ADGRA3: variants seen among roughly 807,000 people sequenced by gnomAD.
ADGRA3 encodes the protein adhesion G protein-coupled receptor A3, also known as G-protein coupled receptor 125.
In ADGRA3, 56 loss-of-function variants were observed where a neutral mutation model predicts 119.8. The observed-to-expected ratio is 0.47, with a 90% CI of 0.38 to 0.58. The LOEUF is 0.58. Ranked by LOEUF, ADGRA3 falls within the 20% of genes least tolerant of loss-of-function variation. ADGRA3 has a pLI of 0.00. For missense variants in ADGRA3, 1,516 were observed against 1,649.0 expected (o/e 0.92, Z 1.40); for synonymous variants, 607 against 623.8 (o/e 0.97, Z 0.40).
chr4:22,422,453 CT>C (rs1168283406), intron 11 of ADGRA3, among the ~76,000 whole-genome samples: 1 of 152,088 alleles, frequency 6.6e-6, no homozygotes, highest in Non-Finnish European at 1.5e-5. Flanking sequence ...AGTGAAAAGT[CT>C]TTTTAATTCA....
chr4:22,471,768 C>A (rs1035523039), intron 2 of ADGRA3, among the ~76,000 whole-genome samples: 6 of 152,168 alleles, frequency 3.9e-5, no homozygotes, highest in African/African-American at 1.2e-4. Flanking sequence ...GTATATTTAT[C>A]TCTGTGGTCC....
At position 22,461,721 on chromosome 4, in the gene ADGRA3, C is replaced by A; in HGVS notation, c.401+16G>T. On this transcript the variant is annotated intron_variant, in intron 3 of 18. Coordinates refer to ENST00000334304, the MANE Select transcript of ADGRA3 (RefSeq NM_145290.4). Reference sequence around the variant, plus strand: ...GCAACAATTCAAACTCGTAAGCAAGCAATTCAAACACTTACAATCTTTTTA... The same window carrying A: ...GCAACAATTCAAACTCGTAAGCAAGAAATTCAAACACTTACAATCTTTTTA... The A allele has an allele frequency of 6.5e-7, 1 of 1,548,340 alleles. No homozygotes were observed. Among genetic ancestry groups the A allele is most frequent in the Non-Finnish European group, 8.9e-7 (1 of 1,127,916 alleles).
intron 3 of ADGRA3, among the ~76,000 whole-genome samples, chr4:22,459,216 A>G (rs1717355319): frequency 6.6e-6 from 1 of 152,180 alleles, no homozygotes; most frequent in Admixed American, 6.5e-5. Context: ...AATAAAAAGG[A>G]ATAGGTTTTG....
intron 1 of ADGRA3, among the ~76,000 whole-genome samples, chr4:22,510,352 A>C (rs1209329381): frequency 6.6e-6 from 1 of 152,120 alleles, no homozygotes; most frequent in Non-Finnish European, 1.5e-5. Context: ...TTTCTAGCTT[A>C]ATCTCTCAAC....
intron 1 of ADGRA3, among the ~76,000 whole-genome samples, chr4:22,492,153 A>T (rs1222745434): frequency 1.3e-5 from 2 of 152,168 alleles, no homozygotes; most frequent in Non-Finnish European, 2.9e-5. Flanking sequence ...GTGTCTCAGG[A>T]GGGAATGCAG....
chr4:22,503,989 A>C (rs888108009), intron 1 of ADGRA3, among the ~76,000 whole-genome samples: 2 of 152,134 alleles, frequency 1.3e-5, no homozygotes, highest in African/African-American at 4.8e-5. Flanking sequence ...TTTTGACAAA[A>C]GATTTTCTCA....
intron 3 of ADGRA3, chr4:22,455,767 CTT>C (rs1399847729): frequency 8.0e-7 from 1 of 1,255,992 alleles, no homozygotes; most frequent in Non-Finnish European, 1.0e-6. Context: ...AAAGTAAAAA[CTT>C]TATGTTGGGA....
At position 22,474,033 on chromosome 4, in the gene ADGRA3, C is replaced by A. The variant is rs78475693; in HGVS notation, c.258-190G>T. Reference sequence around the variant, plus strand: ...AACCAACTATTTAAAGTAGTTTACTCATGCATCTTGTCACATCTAAATTAT... The same window carrying A: ...AACCAACTATTTAAAGTAGTTTACTAATGCATCTTGTCACATCTAAATTAT... On this transcript the variant is annotated intron_variant, in intron 1 of 18. Transcript: ENST00000334304. Among the ~76,000 whole-genome samples, 1,399 of 152,278 alleles carry A rather than the reference C, an allele frequency of 9.2e-3. 39 individuals carry two copies. Among genetic ancestry groups the A allele is most frequent in the East Asian group, 0.052 (269 of 5,176 alleles).
At chr4:22,481,573 ATT>A (rs1395622538) in intron 1 of ADGRA3, among the ~76,000 whole-genome samples, 1 of 152,204 alleles carries the variant, frequency 6.6e-6, no homozygotes, top group Non-Finnish European at 1.5e-5. Context: ...TTGTTTACAT[ATT>A]GTTGATGGCT....
intron 3 of ADGRA3, among the ~76,000 whole-genome samples, chr4:22,456,821 T>C (rs1658962267): frequency 6.6e-6 from 1 of 152,188 alleles, no homozygotes; most frequent in African/African-American, 2.4e-5. Flanking sequence ...AGTTCTGCCT[T>C]CCCTCTGTTA....
intron 16 of ADGRA3, among the ~76,000 whole-genome samples, chr4:22,397,066 A>C (rs79918341): frequency 0.06 from 9,065 of 152,164 alleles, 289 homozygotes; most frequent in Middle Eastern, 0.088. Context: ...ATGTGCAGAC[A>C]GAGGCTTCTT....
chr4:22,484,924 CA>C (rs1718383933), intron 1 of ADGRA3, among the ~76,000 whole-genome samples: 1 of 152,058 alleles, frequency 6.6e-6, no homozygotes, highest in South Asian at 2.1e-4. Context: ...CTCTTAGTTC[CA>C]ACCTTCACAT....
chr4:22,456,235 G>A (rs1169277758), intron 3 of ADGRA3, among the ~76,000 whole-genome samples: 3 of 152,102 alleles, frequency 2.0e-5, no homozygotes, highest in African/African-American at 7.2e-5. Context: ...TTTAATTTTA[G>A]GTGTCAACTT....
chr4:22,486,343 C>T (rs1341271501), intron 1 of ADGRA3, among the ~76,000 whole-genome samples: 1 of 152,194 alleles, frequency 6.6e-6, no homozygotes, highest in Non-Finnish European at 1.5e-5. Flanking sequence ...CATGTCCTCT[C>T]TGGATGCTAA....
At chr4:22,507,080 T>TAAA (rs34248497) in intron 1 of ADGRA3, among the ~76,000 whole-genome samples, 1 of 149,306 alleles carries the variant, frequency 6.7e-6, no homozygotes, top group African/African-American at 2.5e-5. Context: ...TACTAAAAAT[T>TAAA]AAAAAAAAAA....
chr4:22,508,191 T>C (rs1342211826), intron 1 of ADGRA3, among the ~76,000 whole-genome samples: 1 of 152,118 alleles, frequency 6.6e-6, no homozygotes, highest in African/African-American at 2.4e-5. Context: ...CAAACACTAA[T>C]AGCTACCTGG....
At chr4:22,416,750 T>C (rs775396613) in intron 12 of ADGRA3, among the ~76,000 whole-genome samples, 2 of 152,082 alleles carry the variant, frequency 1.3e-5, no homozygotes, top group African/African-American at 2.4e-5. Flanking sequence ...ACACTAAAAA[T>C]TGATGAAATA....
chr4:22,400,055 T>C (rs993459008), intron 16 of ADGRA3, among the ~76,000 whole-genome samples: 1 of 152,250 alleles, frequency 6.6e-6, no homozygotes, highest in Non-Finnish European at 1.5e-5. Context: ...CTTCTCATTA[T>C]GTTTTCTCAT....
chr4:22,486,199 T>TA (rs1489574238), intron 1 of ADGRA3, among the ~76,000 whole-genome samples: 1 of 152,178 alleles, frequency 6.6e-6, no homozygotes, highest in Non-Finnish European at 1.5e-5. Context: ...TCCATATTTT[T>TA]ATGCTTCTTC....
Sources: gnomAD v4.1 joint callset for allele counts (sites outside exome capture counted in the v4.1 genomes callset) on GRCh38, gnomAD v4.1.1 for gene constraint, MANE v1.5 for transcripts, NCBI Gene and HGNC (gene_info 2026-07-23, HGNC 2026-07-21) for gene names.